The following PLCB2 variants were observed in gnomAD, a reference collection of about 807,000 sequenced individuals.
PLCB2 encodes phospholipase C beta 2.
PLCB2 carries 115 observed loss-of-function variants against 141.7 expected under a neutral mutation model. That is an observed-to-expected ratio of 0.81 (90% confidence interval 0.70 to 0.95). PLCB2 has a LOEUF of 0.95. PLCB2 is among the 40% of genes least tolerant of loss of function. The pLI is 0.00. For missense variants in PLCB2, 1,403 were observed against 1,541.1 expected, an observed-to-expected ratio of 0.91 and a Z score of 1.50; for synonymous variants, 603 against 595.6, an observed-to-expected ratio of 1.01 and a Z score of -0.18.
chr15:40,285,581 G>T (rs2039599485), downstream of PLCB2: 7 of 985,118 alleles, frequency 7.1e-6, no homozygotes, highest in Non-Finnish European at 8.4e-6. Context: ...TTCTGGGGTG[G>T]CCCCCAGGAA....
intron 7 of PLCB2, among the ~76,000 whole-genome samples, chr15:40,299,977 A>G (rs773189902): frequency 6.6e-6 from 1 of 152,220 alleles, no homozygotes; most frequent in Non-Finnish European, 1.5e-5. Flanking sequence ...CAAAACCACA[A>G]TGAGATACCA....
At chr15:40,295,163 C>T (rs1317410527) in intron 17 of PLCB2, 38 bp downstream of exon 17, 10 of 1,609,310 alleles carry the variant, frequency 6.2e-6, no homozygotes, top group Non-Finnish European at 8.5e-6. Flanking sequence ...GCTCCCCACC[C>T]AAGCCAAGGA....
intron 1 of PLCB2, among the ~76,000 whole-genome samples, chr15:40,305,186 T>C (rs7496454): frequency 8.0e-5 from 7 of 87,732 alleles, no homozygotes; most frequent in South Asian, 3.3e-4. Flanking sequence ...TTTTTTTTTT[T>C]TTTTTTTTTT....
rs773202354 is a variant in PLCB2, at chr15:40,307,571, G to C, written c.84+18C>G. ...CACCACCTGGTGCTCCAGCAGCTGA[G>C]GCCCCTGCCCCACTTACATCATCCC... On this transcript the variant is annotated intron_variant, in intron 1 of 31. Coordinates refer to ENST00000260402, the MANE Select transcript of PLCB2 (RefSeq NM_004573.3). The C allele has an allele frequency of 6.6e-7, 1 of 1,510,372 alleles. No individual in the cohort carries two copies. Among genetic ancestry groups the C allele is most frequent in the South Asian group, 1.2e-5 (1 of 83,532 alleles). 93.6% of individuals were successfully genotyped at this position (1,510,372 alleles called of 1,614,324 possible). A position where few individuals can be genotyped will look rare whatever the true frequency, so the allele number is the denominator to read the frequency against.
At chr15:40,296,233 G>A (rs985030604) in intron 16 of PLCB2, 63 bp downstream of exon 16, 1 of 1,304,408 alleles carries the variant, frequency 7.7e-7, no homozygotes, top group East Asian at 2.4e-5. Context: ...AGGGCCCCAA[G>A]TCCAAGGAAG....
chr15:40,306,301 A>T (rs1448663156), intron 1 of PLCB2, among the ~76,000 whole-genome samples: 1 of 152,196 alleles, frequency 6.6e-6, no homozygotes, highest in Non-Finnish European at 1.5e-5. Context: ...TGTGCAGGTC[A>T]GGATCCAGAG....
Position 40,290,608 on chromosome 15 carries a change from T to C in PLCB2, c.3178A>G (p.Lys1060Glu), listed in dbSNP as rs749648015. ...TGGGCCATCTTGTCTGTGGTGACTT[T>C]GGTCATGCCCTGGATCCGCTCCAGT... Reference protein sequence around the residue: ...KRLERIQGMTKVTTDKMAQER... With the variant: ...KRLERIQGMTEVTTDKMAQER... The change falls in exon 29 of 32, where the codon AAA (lysine) becomes GAA (glutamate). Residue 1060 changes from lysine (K) to glutamate (E), a missense_variant. This residue lies in a region of PLCB2 where 290 missense variants were observed against 245.9 expected (regional missense o/e 1.18). Coordinates refer to ENST00000260402, the MANE Select transcript of PLCB2 (RefSeq NM_004573.3). The C allele has an allele frequency of 6.2e-7, 1 of 1,614,106 alleles. No homozygotes were observed. The highest frequency in any genetic ancestry group is 8.5e-7 in the Non-Finnish European group (1 of 1,179,972).
At chr15:40,291,235 C>A in intron 26 of PLCB2, 30 bp downstream of exon 26, 1 of 1,572,236 alleles carries the variant, frequency 6.4e-7, no homozygotes. Context: ...ACCCGCGCTG[C>A]AGAGGGCAGG....
In PLCB2 at chr15:40,291,011, C is replaced by G. The variant is rs770504294; in HGVS notation, c.3036+7G>C. 1 of 1,589,814 alleles carries G rather than the reference C, an allele frequency of 6.3e-7. No homozygotes were observed. Among genetic ancestry groups the G allele is most frequent in the South Asian group, 1.1e-5 (1 of 89,752 alleles). ...GGTGGGGTTGTCGCCCTGCCCCTCC[C>G]GGCCACCTCGGCCACGTGCTGCTCC... On this transcript the variant is annotated splice_region_variant and intron_variant, in intron 27 of 31. Coordinates refer to ENST00000260402, the MANE Select transcript of PLCB2 (RefSeq NM_004573.3).
rs555570571 is a variant in PLCB2, at chr15:40,301,219, T to G, written c.582+738A>C. 150 of 235,726 alleles carry G rather than the reference T, an allele frequency of 6.4e-4. 2 individuals are homozygous for G. In the South Asian group the frequency reaches 0.01, roughly 16 times the overall value. The allele number at this position is 235,726 out of a possible 1,614,324, so 14.6% of individuals were successfully genotyped here. ...TGATCAATGGGGGTCGTGGTTTTAT[T>G]TATTTATAACGTTCCAAATTCTTAC... On this transcript the variant is annotated intron_variant, in intron 7 of 31. Coordinates refer to ENST00000260402, the MANE Select transcript of PLCB2 (RefSeq NM_004573.3).
intron 1 of PLCB2, among the ~76,000 whole-genome samples, chr15:40,305,442 G>A (rs537732593): frequency 6.6e-6 from 1 of 152,118 alleles, no homozygotes; most frequent in Middle Eastern, 3.2e-3. Flanking sequence ...GGACTACAGC[G>A]AGCTAACTGT....
chr15:40,301,277 G>T (rs1380976395), intron 7 of PLCB2: 3 of 473,154 alleles, frequency 6.3e-6, no homozygotes, highest in Non-Finnish European at 1.1e-5. Context: ...TATAGGCTGG[G>T]ACCCACACAA....
At chr15:40,301,276 G>A in intron 7 of PLCB2, 1 of 469,110 alleles carries the variant, frequency 2.1e-6, no homozygotes, top group Admixed American at 3.7e-5. Context: ...GTATAGGCTG[G>A]GACCCACACA....
chr15:40,290,939 G>T, intron 27 of PLCB2, 79 bp downstream of exon 27: 1 of 1,486,026 alleles, frequency 6.7e-7, no homozygotes, highest in South Asian at 1.2e-5. Context: ...GGGTTGGGTC[G>T]GTGAGAGGGG....
At position 40,294,906 on chromosome 15, in the gene PLCB2, G is replaced by A. The variant is rs191569745; in HGVS notation, c.1906+30C>T. 2.3e-4 allele frequency: 377 copies of A among 1,613,846 alleles called. 4 individuals are homozygous for A. In the South Asian group the frequency reaches 3.3e-3, roughly 14 times the overall value. ...GGTGGGGGGCGCAGGGACCAGGGAA[G>A]GATTCTTAGGGGCCTGGGAATGCCC... On this transcript the variant is annotated intron_variant, in intron 18 of 31. Transcript: ENST00000260402.
At chr15:40,290,472 G>C (rs933011994) in intron 29 of PLCB2, 105 bp downstream of exon 29, 21 of 852,274 alleles carry the variant, frequency 2.5e-5, no homozygotes, top group Admixed American at 2.3e-4. Flanking sequence ...GAGAGCCAGG[G>C]GACAGATGCA....
chr15:40,299,939 T>C (rs55713690), intron 7 of PLCB2, among the ~76,000 whole-genome samples: 6,934 of 152,232 alleles, frequency 0.046, 232 homozygotes, highest in South Asian at 0.13. Context: ...AGGTGCTCAA[T>C]ATAATTTGTA....
rs2039674514 is a variant in PLCB2 at position 40,288,588 on chromosome 15, G to A, written c.*127C>T. 2.1e-6 allele frequency: 3 copies of A among 1,409,584 alleles called. No individual in the cohort carries two copies. In the South Asian group the frequency reaches 4.9e-5, roughly 23 times the overall value. The allele number at this position is 1,409,584 out of a possible 1,614,324, so 87.3% of individuals were successfully genotyped here. ...CCTGGCCGTTGAGGAGGGGGCTGCA[G>A]CGTCCAAGGCAGCCACAGGTTCCCA... is the stretch of plus-strand genomic sequence containing the variant. On this transcript the variant is annotated 3_prime_UTR_variant, in exon 32 of 32. Transcript: ENST00000260402.
At position 40,290,761 on chromosome 15, in the gene PLCB2, TTCTCCGACG is replaced by T; in HGVS notation, c.3104_3112del (p.Thr1035_Glu1037del). 6.2e-7 allele frequency: 1 copy of T among 1,613,756 alleles called. No homozygotes were observed. The highest frequency in any genetic ancestry group is 8.5e-7 in the Non-Finnish European group (1 of 1,179,806). ...AGGTGTGGGAGGGAGGCAGTCGTAC[TTCTCCGACG>T]TCTCCTTCAGGGCCTTCAGCTCTGC... On this transcript the variant is annotated inframe_deletion and splice_region_variant, in exon 28 of 32. Transcript: ENST00000260402.
Sources: allele counts gnomAD v4.1 joint callset (sites outside exome capture counted in the v4.1 genomes callset), GRCh38; gene constraint gnomAD v4.1.1; regional missense constraint gnomAD v4.1.1; transcripts MANE v1.5; gene names NCBI Gene and HGNC (gene_info 2026-07-23, HGNC 2026-07-21).